The following EDIL3 variants were observed in gnomAD, a reference collection of about 807,000 sequenced individuals.
The protein encoded by EDIL3 is EGF like and discoidin domains 3, also known as EGF-like repeat and discoidin I-like domain-containing protein 3.
In EDIL3, 37 loss-of-function variants were observed where a neutral mutation model predicts 67.4. The ratio of observed to expected loss-of-function variants is 0.55; its 90% CI spans 0.42 to 0.72. EDIL3 has a LOEUF of 0.72. EDIL3 is among the 30% of genes least tolerant of loss of function. The pLI, the probability that EDIL3 is intolerant of heterozygous loss-of-function variation, is 0.00. For synonymous variants in EDIL3, 195 were observed against 196.3 expected (o/e 0.99, Z 0.05); for missense variants, 527 against 586.3 (o/e 0.90, Z 1.04).
At chr5:83,971,584 T>C (rs12153242) in intron 9 of EDIL3, among the ~76,000 whole-genome samples, 1 of 152,070 alleles carries the variant, frequency 6.6e-6, no homozygotes, top group Admixed American at 6.6e-5. Flanking sequence ...CGTAGAATAT[T>C]TCCCACTTAA....
Position 84,228,206 on chromosome 5 carries a change from CAG to C in EDIL3, c.226+1647_226+1648del, listed in dbSNP as rs1212077512. 2.0e-5 allele frequency among the ~76,000 whole-genome samples: 3 copies of C among 152,054 alleles called. No individual in the cohort carries two copies. In the South Asian group the frequency reaches 6.2e-4, roughly 32 times the overall value. On this transcript the variant is annotated intron_variant, in intron 3 of 10. Transcript: ENST00000296591. ...GAAGAGGCCTCAAAAAAAAAGTTAA[CAG>C]GGGTTGCTTCTCAGGAAGAGAACTA...
intron 1 of EDIL3, among the ~76,000 whole-genome samples, chr5:84,342,138 A>G (rs1287907502): frequency 6.6e-6 from 1 of 152,138 alleles, no homozygotes; most frequent in Admixed American, 6.6e-5. Flanking sequence ...GGATAAAGAA[A>G]ATAGAGTGTA....
intron 1 of EDIL3, among the ~76,000 whole-genome samples, chr5:84,341,326 G>T (rs76057886): frequency 6.6e-6 from 1 of 152,034 alleles, no homozygotes; most frequent in Non-Finnish European, 1.5e-5. Flanking sequence ...TAGGAACAGA[G>T]CAGTCAACAA....
intron 1 of EDIL3, among the ~76,000 whole-genome samples, chr5:84,372,255 C>T (rs1747870215): frequency 6.6e-6 from 1 of 151,978 alleles, no homozygotes; most frequent in Non-Finnish European, 1.5e-5. Flanking sequence ...ATATGTACGA[C>T]TTCAGCATGT....
chr5:84,066,677 AGAAAT>A, intron 6 of EDIL3, 71 bp from the exon 7 acceptor site: 1 of 1,544,126 alleles, frequency 6.5e-7, no homozygotes, highest in Non-Finnish European at 8.7e-7. Context: ...TACGAATTTT[AGAAAT>A]GAAACATTGT....
chr5:84,344,135 A>G (rs906620724), intron 1 of EDIL3, among the ~76,000 whole-genome samples: 1 of 152,098 alleles, frequency 6.6e-6, no homozygotes, highest in Non-Finnish European at 1.5e-5. Flanking sequence ...GAGGAAAGGC[A>G]CCCAGTATAG....
rs779905677 is a variant in EDIL3, at chr5:84,352,852, A to C, written c.67+31456T>G. 6.6e-5 allele frequency among the ~76,000 whole-genome samples: 10 copies of C among 152,158 alleles called. 1 individual carries two copies. Among genetic ancestry groups the C allele is most frequent in the Admixed American group, 5.9e-4 (9 of 15,272 alleles). ...TGATACAATGGCCCAAAAAATAATA[A>C]AAATGAAATAAATAAGATTTTAACA... On this transcript the variant is annotated intron_variant, in intron 1 of 10. Transcript: ENST00000296591.
At chr5:84,297,528 G>A (rs1746075309) in intron 1 of EDIL3, among the ~76,000 whole-genome samples, 1 of 152,158 alleles carries the variant, frequency 6.6e-6, no homozygotes, top group African/African-American at 2.4e-5. Flanking sequence ...CCCAACATCA[G>A]GTCGTGGGGG....
chr5:84,034,141 G>A (rs537075573), intron 9 of EDIL3, among the ~76,000 whole-genome samples: 2 of 152,320 alleles, frequency 1.3e-5, no homozygotes, highest in Admixed American at 1.3e-4. Flanking sequence ...AATTTGTCAT[G>A]TATTTCCTAA....
At chr5:84,366,259 G>A (rs766838347) in intron 1 of EDIL3, among the ~76,000 whole-genome samples, 60 of 151,914 alleles carry the variant, frequency 3.9e-4, no homozygotes, top group Non-Finnish European at 6.9e-4. Context: ...CACCACCACC[G>A]TCACCATCAC....
chr5:84,226,335 C>G (rs926957766), intron 3 of EDIL3, among the ~76,000 whole-genome samples: 2 of 151,380 alleles, frequency 1.3e-5, no homozygotes, highest in African/African-American at 4.8e-5. Context: ...CTGTAATAAA[C>G]AAACATGAAT....
intron 5 of EDIL3, among the ~76,000 whole-genome samples, chr5:84,114,835 C>T (rs1287170425): frequency 1.3e-5 from 2 of 152,148 alleles, no homozygotes; most frequent in African/African-American, 4.8e-5. Context: ...TTTATTACGA[C>T]CTATATTCTA....
chr5:84,110,430 C>T (rs1269100185), intron 5 of EDIL3, among the ~76,000 whole-genome samples: 1 of 152,010 alleles, frequency 6.6e-6, no homozygotes, highest in Non-Finnish European at 1.5e-5. Flanking sequence ...GATTAAGTGA[C>T]CTTAAGCAAT....
chr5:84,380,901 A>G (rs918245776), intron 1 of EDIL3, among the ~76,000 whole-genome samples: 8 of 152,048 alleles, frequency 5.3e-5, no homozygotes, highest in Admixed American at 5.2e-4. Flanking sequence ...AGAAGAAAAA[A>G]ATCACATGTA....
intron 9 of EDIL3, among the ~76,000 whole-genome samples, chr5:83,968,216 A>G (rs1376917105): frequency 1.3e-5 from 2 of 152,060 alleles, no homozygotes; most frequent in Non-Finnish European, 2.9e-5. Flanking sequence ...GCAACTAGTT[A>G]ATGTGATTAA....
At chr5:84,374,011 G>C (rs1344603953) in intron 1 of EDIL3, among the ~76,000 whole-genome samples, 1 of 152,148 alleles carries the variant, frequency 6.6e-6, no homozygotes, top group African/African-American at 2.4e-5. Flanking sequence ...ACGAATGATG[G>C]AGAAGAAACA....
chr5:84,223,574 A>C (rs1046684023), intron 3 of EDIL3, among the ~76,000 whole-genome samples: 23 of 151,692 alleles, frequency 1.5e-4, no homozygotes, highest in African/African-American at 5.6e-4. Context: ...TAAAACAATA[A>C]AATTTGAATA....
At chr5:84,354,467 G>GC (rs1190085540) in intron 1 of EDIL3, among the ~76,000 whole-genome samples, 3 of 151,914 alleles carry the variant, frequency 2.0e-5, no homozygotes, top group Non-Finnish European at 4.4e-5. Context: ...GACCAGACTG[G>GC]CCAATGTGGC....
At chr5:84,245,332 C>CA (rs1364344551) in intron 2 of EDIL3, among the ~76,000 whole-genome samples, 1 of 152,038 alleles carries the variant, frequency 6.6e-6, no homozygotes, top group African/African-American at 2.4e-5. Flanking sequence ...TCCTATTATA[C>CA]AAATCAAATA....
Sources: gnomAD v4.1 joint callset for allele counts (sites outside exome capture counted in the v4.1 genomes callset) on GRCh38, gnomAD v4.1.1 for gene constraint, MANE v1.5 for transcripts, NCBI Gene and HGNC (gene_info 2026-07-23, HGNC 2026-07-21) for gene names.